The following TIAM1 variants were observed in gnomAD, a reference collection of about 807,000 sequenced individuals.
The protein encoded by TIAM1 is TIAM Rac1 associated GEF 1.
In TIAM1, 65 loss-of-function variants were observed where a neutral mutation model predicts 163.5. That is an observed-to-expected ratio of 0.40 (90% CI 0.33 to 0.49). The LOEUF is 0.49. Ranked by LOEUF, TIAM1 falls within the 20% of genes least tolerant of loss-of-function variation. The pLI, the probability that TIAM1 is intolerant of heterozygous loss-of-function variation, is 0.77. For synonymous variants in TIAM1, 833 were observed against 810.1 expected, an observed-to-expected ratio of 1.03 and a Z score of -0.48; for missense variants, 1,789 against 2,044.7, an observed-to-expected ratio of 0.87 and a Z score of 2.41.
At chr21:31,142,339 C>G (rs9980878) in intron 20 of TIAM1, among the ~76,000 whole-genome samples, 1 of 151,470 alleles carries the variant, frequency 6.6e-6, no homozygotes, top group Non-Finnish European at 1.5e-5. Flanking sequence ...GCAAGCATGC[C>G]GTGCACAGTG....
intron 3 of TIAM1, among the ~76,000 whole-genome samples, chr21:31,272,331 C>T (rs1394341601): frequency 2.0e-5 from 3 of 152,054 alleles, no homozygotes; most frequent in African/African-American, 2.4e-5. Flanking sequence ...ACTGTCTATA[C>T]ATAGTAAAGG....
At chr21:31,345,404 A>C (rs1450165195), upstream of TIAM1, among the ~76,000 whole-genome samples, 2 of 151,630 alleles carry the variant, frequency 1.3e-5, no homozygotes, top group Non-Finnish European at 2.9e-5. Context: ...GAACTTTCAG[A>C]AACATTTAAA....
intron 2 of TIAM1, among the ~76,000 whole-genome samples, chr21:31,279,218 A>G (rs1259954183): frequency 6.6e-6 from 1 of 152,216 alleles, no homozygotes; most frequent in Admixed American, 6.5e-5. Context: ...TCGATTTGGT[A>G]TAACTTCTTT....
intron 6 of TIAM1, among the ~76,000 whole-genome samples, chr21:31,231,202 G>A (rs917736735): frequency 1.3e-5 from 2 of 152,164 alleles, no homozygotes; most frequent in Non-Finnish European, 2.9e-5. Flanking sequence ...TACGGCTCTG[G>A]AGCCAGCCTC....
intron 16 of TIAM1, 43 bp from the exon 17 acceptor site, chr21:31,154,469 C>T (rs745903630): frequency 4.8e-5 from 76 of 1,587,092 alleles, no homozygotes; most frequent in Non-Finnish European, 6.4e-5. Context: ...GTCATTATCC[C>T]TCATTAGACG....
At chr21:31,225,656 C>CAAA (rs11373053) in intron 7 of TIAM1, 70 bp downstream of exon 7, 869 of 1,082,424 alleles carry the variant, frequency 8.0e-4, no homozygotes, top group African/African-American at 4.1e-3. Context: ...TCCAAAACAG[C>CAAA]AAAAAAAAAA....
intron 1 of TIAM1, among the ~76,000 whole-genome samples, chr21:31,483,444 C>T (rs1039863805): frequency 6.6e-6 from 1 of 152,142 alleles, no homozygotes; most frequent in Admixed American, 6.5e-5. Flanking sequence ...CTAATTAAAA[C>T]TTTATTTTCA....
rs140446588 is a variant in TIAM1, at chr21:31,301,957, G to A, written c.-188-25049C>T. On this transcript the variant is annotated intron_variant, in intron 2 of 27. Coordinates refer to ENST00000541036, the MANE Select transcript of TIAM1 (RefSeq NM_001353694.2). Reference sequence around the variant, plus strand: ...TATATGTAACATATATAAAATGTGTGTGTATATATGTGTGCGTATATATAT... The same window carrying A: ...TATATGTAACATATATAAAATGTGTATGTATATATGTGTGCGTATATATAT... Among the ~76,000 whole-genome samples the A allele has an allele frequency of 5.8e-3, 871 of 150,484 alleles. 7 individuals carry two copies. The highest frequency in any genetic ancestry group is 9.4e-3 in the Non-Finnish European group (633 of 67,700).
At chr21:31,481,086 G>T (rs2046095189) in intron 1 of TIAM1, among the ~76,000 whole-genome samples, 1 of 152,112 alleles carries the variant, frequency 6.6e-6, no homozygotes, top group African/African-American at 2.4e-5. Context: ...AGTCCTAGAG[G>T]CTGGTAGTCC....
At chr21:31,245,745 T>C in intron 5 of TIAM1, 85 bp from the exon 6 acceptor site, 1 of 1,218,046 alleles carries the variant, frequency 8.2e-7, no homozygotes, top group Non-Finnish European at 1.0e-6. Context: ...ATGTGCACCC[T>C]GTCAGAGGCT....
At chr21:31,514,764 A>G (rs2047325775) in intron 1 of TIAM1, among the ~76,000 whole-genome samples, 1 of 152,170 alleles carries the variant, frequency 6.6e-6, no homozygotes, top group Non-Finnish European at 1.5e-5. Flanking sequence ...TGAACTGCAG[A>G]GTGCACGCCT....
intron 12 of TIAM1, among the ~76,000 whole-genome samples, chr21:31,198,466 C>T (rs972739649): frequency 7.2e-5 from 11 of 152,252 alleles, no homozygotes; most frequent in African/African-American, 2.6e-4. Flanking sequence ...ATGTTTCATA[C>T]TGATACATTT....
chr21:31,256,947 T>C (rs952204152), intron 4 of TIAM1, among the ~76,000 whole-genome samples: 4 of 152,126 alleles, frequency 2.6e-5, no homozygotes, highest in Admixed American at 2.6e-4. Context: ...AGAGAAGGCA[T>C]TGCCTGAACT....
rs369334104 is a variant in TIAM1, at chr21:31,143,986, G to C, written c.3476-2482C>G. Among the ~76,000 whole-genome samples, 3 of 151,882 alleles carry C rather than the reference G, an allele frequency of 2.0e-5. No individual in the cohort carries two copies. The East Asian group carries it at 5.8e-4, about 29-fold the overall frequency. ...TGACCTCAAACGATCTGCCCACCTC[G>C]GCCTCCCAAAGGGCTGGGATTATAG... On this transcript the variant is annotated intron_variant, in intron 20 of 27. Coordinates refer to ENST00000541036, the MANE Select transcript of TIAM1 (RefSeq NM_001353694.2).
At chr21:31,346,888 G>T (rs73902315), upstream of TIAM1, among the ~76,000 whole-genome samples, 969 of 152,058 alleles carry the variant, frequency 6.4e-3, 10 homozygotes, top group African/African-American at 0.022. Context: ...GCTCTGGGTG[G>T]GTGGGGGGCA....
chr21:31,519,254 G>A lies in TIAM1; in HGVS notation c.-422+39673C>T, dbSNP rs531084350. On this transcript the variant is annotated intron_variant, in intron 1 of 28. Transcript: ENST00000286827. ...TGGGAGGCGGAGGTTGCGGTGAGCC[G>A]AGATCGCGCCACTGCACTCCAGCCT... Among the ~76,000 whole-genome samples, 8 of 145,798 alleles carry A rather than the reference G, an allele frequency of 5.5e-5. No homozygotes were observed. In the East Asian group the frequency reaches 1.4e-3, roughly 26 times the overall value.
chr21:31,130,096 GAAAAA>G, intron 25 of TIAM1, 112 bp downstream of exon 25: 20 of 555,598 alleles, frequency 3.6e-5, no homozygotes, highest in Non-Finnish European at 5.1e-5. Context: ...TAAGCATAGG[GAAAAA>G]AAAAAAAAAA....
At chr21:31,296,129 T>C (rs1180194652) in intron 2 of TIAM1, among the ~76,000 whole-genome samples, 1 of 152,188 alleles carries the variant, frequency 6.6e-6, no homozygotes, top group Non-Finnish European at 1.5e-5. Flanking sequence ...GATTTGATGA[T>C]TATTCAGGAA....
intron 23 of TIAM1, among the ~76,000 whole-genome samples, chr21:31,134,618 C>T (rs2082546717): frequency 6.6e-6 from 1 of 152,186 alleles, no homozygotes; most frequent in African/African-American, 2.4e-5. Flanking sequence ...TCAAGCGATT[C>T]TCCTGCCTTA....
Sources: allele counts gnomAD v4.1 joint callset (sites outside exome capture counted in the v4.1 genomes callset), GRCh38; gene constraint gnomAD v4.1.1; transcripts MANE v1.5; gene names NCBI Gene and HGNC (gene_info 2026-07-23, HGNC 2026-07-21).